FHOD3: variants seen among roughly 807,000 people sequenced by gnomAD.
FHOD3 encodes formin homology 2 domain containing 3.
Under a neutral mutation model 173.0 loss-of-function variants are expected in FHOD3, and 90 were observed. That is an observed-to-expected ratio of 0.52 (90% CI 0.44 to 0.62). The LOEUF (loss-of-function observed/expected upper bound fraction) is 0.62, where lower values mean the gene tolerates loss of function less well. Ranked by LOEUF, FHOD3 falls within the 20% of genes least tolerant of loss-of-function variation. The pLI, the probability that FHOD3 is intolerant of heterozygous loss-of-function variation, is 0.00. For synonymous variants in FHOD3, 828 were observed against 823.0 expected, an observed-to-expected ratio of 1.01 and a Z score of -0.10; for missense variants, 1,945 against 2,034.7, an observed-to-expected ratio of 0.96 and a Z score of 0.85.
intron 5 of FHOD3, among the ~76,000 whole-genome samples, chr18:36,516,182 A>G (rs1389658906): frequency 6.6e-6 from 1 of 151,938 alleles, no homozygotes; most frequent in East Asian, 1.9e-4. Flanking sequence ...CAACCTTTGA[A>G]TTACCTCTTT....
chr18:36,614,840 ATTTTTTTT>A (rs751719654), intron 9 of FHOD3, among the ~76,000 whole-genome samples: 8 of 86,178 alleles, frequency 9.3e-5, no homozygotes, highest in African/African-American at 1.9e-4. Context: ...TTTTTAATTG[ATTTTTTTT>A]TTTTTTTTTT....
intron 1 of FHOD3, among the ~76,000 whole-genome samples, chr18:36,313,114 T>G (rs1294429410): frequency 6.6e-6 from 1 of 152,182 alleles, no homozygotes; most frequent in Non-Finnish European, 1.5e-5. Flanking sequence ...ATGTGGCAGC[T>G]CCAGGCTCCA....
At chr18:36,452,618 C>G (rs2051921676) in intron 3 of FHOD3, among the ~76,000 whole-genome samples, 1 of 151,900 alleles carries the variant, frequency 6.6e-6, no homozygotes, top group Non-Finnish European at 1.5e-5. Context: ...CTTCCAGCCC[C>G]TGGCAGCCAC....
intron 14 of FHOD3, among the ~76,000 whole-genome samples, chr18:36,677,836 A>G (rs1299900293): frequency 6.6e-6 from 1 of 152,214 alleles, no homozygotes; most frequent in Non-Finnish European, 1.5e-5. Flanking sequence ...AAGAATTGGC[A>G]TCCTGACTGC....
chr18:36,433,557 G>C (rs1179210311), intron 3 of FHOD3, among the ~76,000 whole-genome samples: 3 of 152,184 alleles, frequency 2.0e-5, no homozygotes, highest in Admixed American at 6.5e-5. Context: ...CTAGTGCAAG[G>C]CTACTCAGTG....
chr18:36,323,220 T>C (rs1440144356), intron 1 of FHOD3, among the ~76,000 whole-genome samples: 1 of 152,170 alleles, frequency 6.6e-6, no homozygotes, highest in Non-Finnish European at 1.5e-5. Context: ...GCTGGGAGTC[T>C]CTGACAGGGG....
intron 1 of FHOD3, among the ~76,000 whole-genome samples, chr18:36,347,779 T>C (rs1466788772): frequency 6.6e-6 from 1 of 152,266 alleles, no homozygotes; most frequent in Non-Finnish European, 1.5e-5. Context: ...TGATATCATG[T>C]GAATTGATTT....
At chr18:36,343,405 A>C (rs1278625219) in intron 1 of FHOD3, among the ~76,000 whole-genome samples, 2 of 152,330 alleles carry the variant, frequency 1.3e-5, no homozygotes, top group East Asian at 1.9e-4. Flanking sequence ...GAAACCAGTC[A>C]CAAAAGACCA....
chr18:36,627,180 C>T (rs2034173761), intron 10 of FHOD3, among the ~76,000 whole-genome samples: 1 of 152,140 alleles, frequency 6.6e-6, no homozygotes, highest in Non-Finnish European at 1.5e-5. Context: ...AAAAAGCCCT[C>T]GAAGCTCTCT....
intron 4 of FHOD3, 30 bp downstream of exon 4, chr18:36,502,029 G>C (rs1218020782): frequency 5.5e-6 from 8 of 1,458,482 alleles, no homozygotes; most frequent in Non-Finnish European, 7.6e-6. Flanking sequence ...GTACTTACCT[G>C]TTTTTACATT....
intron 3 of FHOD3, among the ~76,000 whole-genome samples, chr18:36,376,591 C>A (rs1484853013): frequency 6.6e-6 from 1 of 152,162 alleles, no homozygotes; most frequent in Non-Finnish European, 1.5e-5. Flanking sequence ...GGGGCTGAAG[C>A]AACTGATCTC....
At chr18:36,661,286 A>G (rs1355271676) in intron 14 of FHOD3, among the ~76,000 whole-genome samples, 1 of 152,122 alleles carries the variant, frequency 6.6e-6, no homozygotes, top group Non-Finnish European at 1.5e-5. Context: ...ATCACCCATA[A>G]TCTAATTTCA....
chr18:36,736,698 C>T (rs1434034063), intron 20 of FHOD3, among the ~76,000 whole-genome samples: 1 of 152,154 alleles, frequency 6.6e-6, no homozygotes, highest in Non-Finnish European at 1.5e-5. Context: ...TGCTCTCTGC[C>T]AGTGGAGCCT....
At chr18:36,489,212 A>G (rs1251277095) in intron 3 of FHOD3, among the ~76,000 whole-genome samples, 1 of 150,280 alleles carries the variant, frequency 6.7e-6, no homozygotes, top group East Asian at 2.0e-4. Context: ...GGAGCCCTGG[A>G]TGCTTCCAGA....
At chr18:36,703,923 G>C (rs2039726706) in intron 17 of FHOD3, among the ~76,000 whole-genome samples, 2 of 152,092 alleles carry the variant, frequency 1.3e-5, no homozygotes, top group Non-Finnish European at 2.9e-5. Context: ...TTCCCATCCT[G>C]GTTTCCCAAA....
chr18:36,634,634 A>G (rs894549614), intron 10 of FHOD3, among the ~76,000 whole-genome samples: 8 of 152,146 alleles, frequency 5.3e-5, no homozygotes, highest in African/African-American at 1.9e-4. Context: ...TCCTGGAGGA[A>G]GGCTGGCCGT....
intron 1 of FHOD3, among the ~76,000 whole-genome samples, chr18:36,350,697 T>C (rs577142884): frequency 1.3e-5 from 2 of 152,284 alleles, no homozygotes; most frequent in East Asian, 3.9e-4. Flanking sequence ...TGGGGACTGG[T>C]CTGGCAGGGA....
intron 5 of FHOD3, among the ~76,000 whole-genome samples, chr18:36,540,977 G>C (rs139784883): frequency 1.3e-5 from 2 of 152,138 alleles, no homozygotes; most frequent in African/African-American, 4.8e-5. Flanking sequence ...TGGGCTGGGC[G>C]TGGTGGCTCA....
intron 16 of FHOD3, among the ~76,000 whole-genome samples, chr18:36,689,592 C>A (rs2038833524): frequency 6.6e-6 from 1 of 152,042 alleles, no homozygotes. Flanking sequence ...AGAAGAAAGG[C>A]TTTATAGGAT....
Sources: gnomAD v4.1 joint callset for allele counts (sites outside exome capture counted in the v4.1 genomes callset) on GRCh38, gnomAD v4.1.1 for gene constraint, MANE v1.5 for transcripts, NCBI Gene and HGNC (gene_info 2026-07-23, HGNC 2026-07-21) for gene names.